The following SH3PXD2B variants were observed in gnomAD, a reference collection of about 807,000 sequenced individuals.
SH3PXD2B encodes SH3 and PX domain-containing protein 2B.
SH3PXD2B carries 37 observed loss-of-function variants against 73.1 expected under a neutral mutation model. That is an observed-to-expected ratio of 0.51 (90% CI 0.39 to 0.67). The LOEUF (loss-of-function observed/expected upper bound fraction) is 0.67, where lower values mean the gene tolerates loss of function less well. Among genes scored for constraint, SH3PXD2B ranks in the 30% least tolerant of loss-of-function variants. The pLI, the probability that SH3PXD2B is intolerant of heterozygous loss-of-function variation, is 0.00. For missense variants in SH3PXD2B, 1,053 were observed against 1,197.8 expected (o/e 0.88, Z 1.78); for synonymous variants, 457 against 480.5 (o/e 0.95, Z 0.64).
rs1227152649 is a variant in SH3PXD2B at position 172,334,852 on chromosome 5, C to T, written c.*3517G>A. 1 of 985,320 alleles carries T rather than the reference C, an allele frequency of 1.0e-6. No individual in the cohort carries two copies. The highest frequency in any genetic ancestry group is 1.7e-5 in the African/African-American group (1 of 57,232). 61.0% of individuals were successfully genotyped at this position (985,320 alleles called of 1,614,324 possible). ...GTGGCATATGTTCCCCCATCTTCCACCTGGTAATGAAATCCTCAGTGGGCG... is the reference window on the plus strand; with the variant it reads ...GTGGCATATGTTCCCCCATCTTCCATCTGGTAATGAAATCCTCAGTGGGCG... On this transcript the variant is annotated 3_prime_UTR_variant, in exon 13 of 13. Transcript: ENST00000311601.
At chr5:172,402,291 C>T (rs576721464) in intron 3 of SH3PXD2B, among the ~76,000 whole-genome samples, 2 of 152,276 alleles carry the variant, frequency 1.3e-5, no homozygotes, top group Admixed American at 6.5e-5. Flanking sequence ...CCGTTGTCTG[C>T]TCTCAAACCC....
Position 172,338,848 on chromosome 5 carries a change from G to T in SH3PXD2B, c.2257C>A (p.Gln753Lys), listed in dbSNP as rs373626183. Residue 753 changes from glutamine (Q) to lysine (K), a missense_variant, in exon 13 of 13, where the codon CAG becomes AAG. Physicochemically the swap from Gln to Lys is moderately conservative, Grantham distance 53. Coordinates refer to ENST00000311601, the MANE Select transcript of SH3PXD2B (RefSeq NM_001017995.3). The surrounding 1 kb of genome is among the most constrained non-coding windows in gnomAD (Gnocchi z 5.1). Reference protein sequence around the residue: ...VPVPLQEAPQQRPVVPPRRPP... With the variant: ...VPVPLQEAPQKRPVVPPRRPP... ...CTGCGGGGTGGGACCACAGGTCTCT[G>T]CTGGGGAGCCTCTTGGAGAGGAACA... is the stretch of plus-strand genomic sequence containing the variant. 6.2e-7 allele frequency: 1 copy of T among 1,613,514 alleles called. No homozygotes were observed. The highest frequency in any genetic ancestry group is 1.3e-5 in the African/African-American group (1 of 75,048).
intron 5 of SH3PXD2B, among the ~76,000 whole-genome samples, chr5:172,379,024 C>T (rs148342129): frequency 0.043 from 6,135 of 143,592 alleles, 201 homozygotes; most frequent in South Asian, 0.2. Flanking sequence ...GAGCCAAGAT[C>T]GCGCCACTGC....
chr5:172,329,006 C>CATATACATATATAT (rs1351121924), downstream of SH3PXD2B, among the ~76,000 whole-genome samples: 1 of 145,790 alleles, frequency 6.9e-6, no homozygotes, highest in Non-Finnish European at 1.5e-5. Context: ...TATAGATACA[C>CATATACATATATAT]ACATATATAT....
At chr5:172,376,962 A>G (rs1757835233) in intron 5 of SH3PXD2B, among the ~76,000 whole-genome samples, 1 of 152,176 alleles carries the variant, frequency 6.6e-6, no homozygotes, top group South Asian at 2.1e-4. Context: ...TGGCTGCTGC[A>G]TCAAGACACA....
intron 12 of SH3PXD2B, among the ~76,000 whole-genome samples, chr5:172,328,092 A>T (rs1374228580): frequency 1.4e-5 from 2 of 144,700 alleles, no homozygotes; most frequent in Non-Finnish European, 3.0e-5. Context: ...TAGACATGGG[A>T]TCTCGCTACG....
At chr5:172,371,726 C>CG (rs1757709528) in intron 6 of SH3PXD2B, among the ~76,000 whole-genome samples, 1 of 152,196 alleles carries the variant, frequency 6.6e-6, no homozygotes, top group Admixed American at 6.5e-5. Flanking sequence ...CTCATCAAGC[C>CG]CGTTCCGACT....
intron 4 of SH3PXD2B, among the ~76,000 whole-genome samples, chr5:172,383,852 CTTT>C (rs113181175): frequency 2.2e-5 from 3 of 135,262 alleles, no homozygotes; most frequent in African/African-American, 2.6e-5. Flanking sequence ...TTCTTTCTTT[CTTT>C]TTTTTTTTTT....
intron 7 of SH3PXD2B, among the ~76,000 whole-genome samples, chr5:172,360,709 G>A (rs1314753704): frequency 6.6e-6 from 1 of 152,168 alleles, no homozygotes; most frequent in Non-Finnish European, 1.5e-5. Context: ...GCATGTGCCT[G>A]TAGTCCCAGC....
rs527320371 is a variant in SH3PXD2B at position 172,353,150 on chromosome 5, T to C, written c.785+738A>G. On this transcript the variant is annotated intron_variant, in intron 9 of 12. Transcript: ENST00000311601. This position sits in a 1 kb window ranked among gnomAD's most constrained non-coding sequence, Gnocchi z 4.3. ...GCCCAACAGAGATTCTTGGTGTGCG[T>C]TTGTTGAATGAATGAATGAATGCAG... Among the ~76,000 whole-genome samples the C allele has an allele frequency of 9.2e-5, 14 of 152,102 alleles. No homozygotes were observed. The highest frequency in any genetic ancestry group is 1.5e-4 in the Non-Finnish European group (10 of 68,012).
intron 3 of SH3PXD2B, among the ~76,000 whole-genome samples, chr5:172,397,458 C>T (rs1164078864): frequency 2.0e-5 from 3 of 152,198 alleles, no homozygotes; most frequent in Admixed American, 2.0e-4. Context: ...CCTATTCGTA[C>T]ACTCCCTCCC....
At chr5:172,398,480 AT>A (rs1245624735) in intron 3 of SH3PXD2B, among the ~76,000 whole-genome samples, 1 of 152,156 alleles carries the variant, frequency 6.6e-6, no homozygotes, top group Non-Finnish European at 1.5e-5. Context: ...ATTCTTCATT[AT>A]ATTGATGATA....
Position 172,339,203 on chromosome 5 carries a change from G to C in SH3PXD2B, c.1902C>G (p.Pro634=). The change falls in exon 13 of 13, where the codon CCC becomes CCG. Residue 634 remains proline (P), a synonymous_variant. Coordinates refer to ENST00000311601, the MANE Select transcript of SH3PXD2B (RefSeq NM_001017995.3). The surrounding 1 kb of genome is among the most constrained non-coding windows in gnomAD (Gnocchi z 6.1). ...TAACCTGAGGTCTGGACTTCAAGAA[G>C]GGATTCTGGGGAGTGGCATCTGGCT... ...EEKPDATPQN[P]FLKSRPQVRP... 6.2e-7 allele frequency: 1 copy of C among 1,614,246 alleles called. No individual in the cohort carries two copies. The highest frequency in any genetic ancestry group is 8.5e-7 in the Non-Finnish European group (1 of 1,180,042).
chr5:172,385,844 G>T (rs559860443), intron 4 of SH3PXD2B, among the ~76,000 whole-genome samples: 1 of 152,352 alleles, frequency 6.6e-6, no homozygotes, highest in Admixed American at 6.5e-5. Context: ...TGAATGCTTT[G>T]ATGTTGGCCC....
At chr5:172,399,982 G>A (rs889794610) in intron 3 of SH3PXD2B, among the ~76,000 whole-genome samples, 5 of 152,170 alleles carry the variant, frequency 3.3e-5, no homozygotes, top group African/African-American at 1.2e-4. Flanking sequence ...ACCAGGAGAA[G>A]AAGGAACTGC....
chr5:172,438,223 C>T (rs1348898881), intron 1 of SH3PXD2B, among the ~76,000 whole-genome samples: 13 of 152,212 alleles, frequency 8.5e-5, no homozygotes, highest in Admixed American at 8.5e-4. Flanking sequence ...TAGAAGTCAC[C>T]TCTCCTTGGA....
chr5:172,439,673 T>TGAGC (rs1759497654), intron 1 of SH3PXD2B, among the ~76,000 whole-genome samples: 1 of 103,354 alleles, frequency 9.7e-6, no homozygotes, highest in Non-Finnish European at 1.8e-5. Flanking sequence ...TGTGTGTGCG[T>TGAGC]GCGTGCGCGC....
intron 1 of SH3PXD2B, among the ~76,000 whole-genome samples, chr5:172,434,459 G>A (rs2731685): frequency 0.25 from 37,757 of 151,974 alleles, 5,477 homozygotes; most frequent in Non-Finnish European, 0.33. Flanking sequence ...GAACTCCATC[G>A]ATACGCTGTC....
chr5:172,333,529 CTTT>C lies in SH3PXD2B; in HGVS notation c.*4837_*4839del, dbSNP rs1310579704. On this transcript the variant is annotated 3_prime_UTR_variant, in exon 13 of 13. Coordinates refer to ENST00000311601, the MANE Select transcript of SH3PXD2B (RefSeq NM_001017995.3). ...GATGAAGCTTGAAACCAGTCAAGCA[CTTT>C]TTTTATTTAAAAAAAAAAAAAGGAA... 1.8e-6 allele frequency: 2 copies of C among 1,139,330 alleles called. No homozygotes were observed. Among genetic ancestry groups the C allele is most frequent in the East Asian group, 1.4e-4 (2 of 13,846 alleles). 70.6% of individuals were successfully genotyped at this position (1,139,330 alleles called of 1,614,324 possible). A position where few individuals can be genotyped will look rare whatever the true frequency, so the allele number is the denominator to read the frequency against.
Sources: gnomAD v4.1 joint callset for allele counts (sites outside exome capture counted in the v4.1 genomes callset) on GRCh38, gnomAD v4.1.1 for gene constraint, Gnocchi (gnomAD v3.1) non-coding constraint, MANE v1.5 for transcripts, NCBI Gene and HGNC (gene_info 2026-07-23, HGNC 2026-07-21) for gene names.